The following SGK1 variants were observed in gnomAD, a reference collection of about 807,000 sequenced individuals.
SGK1 encodes serum/glucocorticoid regulated kinase 1.
Under a neutral mutation model 64.2 loss-of-function variants are expected in SGK1, and 26 were observed. The observed-to-expected ratio is 0.40, with a 90% CI of 0.30 to 0.56. The LOEUF is 0.56. Ranked by LOEUF, SGK1 falls within the 20% of genes least tolerant of loss-of-function variation. SGK1 has a pLI of 0.38. For synonymous variants in SGK1, 265 were observed against 239.7 expected (o/e 1.11, Z -0.98); for missense variants, 519 against 645.6 (o/e 0.80, Z 2.12).
At chr6:134,269,202 C>T (rs891758148) in intron 1 of SGK1, among the ~76,000 whole-genome samples, 1 of 147,514 alleles carries the variant, frequency 6.8e-6, no homozygotes, top group Non-Finnish European at 1.5e-5. Context: ...GGCCCCCGTC[C>T]TTTTAGGGGG....
At chr6:134,241,189 A>G (rs1184912449) in intron 2 of SGK1, among the ~76,000 whole-genome samples, 2 of 151,416 alleles carry the variant, frequency 1.3e-5, no homozygotes, top group African/African-American at 4.9e-5. Context: ...AGCTGGGACT[A>G]CAGGCATCCA....
At chr6:134,174,305 C>A in intron 4 of SGK1, 1 of 604,520 alleles carries the variant, frequency 1.7e-6, no homozygotes. Context: ...CCAACACGAA[C>A]CATTTATCTT....
At chr6:134,189,037 C>T (rs569314208) in intron 3 of SGK1, among the ~76,000 whole-genome samples, 7 of 151,476 alleles carry the variant, frequency 4.6e-5, no homozygotes, top group South Asian at 4.2e-4. Context: ...GAGCCACTCA[C>T]GCAACCCAGA....
At chr6:134,220,860 T>C (rs1016174511) in intron 2 of SGK1, among the ~76,000 whole-genome samples, 1 of 151,724 alleles carries the variant, frequency 6.6e-6, no homozygotes, top group Non-Finnish European at 1.5e-5. Context: ...CCCACGCCTG[T>C]AGTTTCGGCT....
intron 2 of SGK1, among the ~76,000 whole-genome samples, chr6:134,233,424 C>T (rs1351618364): frequency 6.6e-6 from 1 of 152,180 alleles, no homozygotes; most frequent in African/African-American, 2.4e-5. Flanking sequence ...CTTTAGGTCC[C>T]ATGAGCATCA....
At chr6:134,197,903 T>A (rs951819368) in intron 3 of SGK1, among the ~76,000 whole-genome samples, 2 of 29,250 alleles carry the variant, frequency 6.8e-5, no homozygotes, top group African/African-American at 2.5e-4. Flanking sequence ...AAATAAAATA[T>A]AAAATAAAAT....
At chr6:134,268,138 G>C (rs926655852) in intron 1 of SGK1, among the ~76,000 whole-genome samples, 4 of 152,148 alleles carry the variant, frequency 2.6e-5, no homozygotes, top group African/African-American at 9.7e-5. Context: ...ACGGCCCCTC[G>C]GGGAATTCAA....
intron 3 of SGK1, among the ~76,000 whole-genome samples, chr6:134,191,524 T>C (rs1582700213): frequency 6.6e-6 from 1 of 152,180 alleles, no homozygotes; most frequent in African/African-American, 2.4e-5. Flanking sequence ...ACTACAGTGG[T>C]GCTAAGGACA....
intron 1 of SGK1, among the ~76,000 whole-genome samples, chr6:134,268,399 CG>C (rs1420423541): frequency 6.6e-6 from 1 of 152,076 alleles, no homozygotes; most frequent in Non-Finnish European, 1.5e-5. Context: ...CAAACATAGA[CG>C]GGGTGAGACA....
intron 2 of SGK1, among the ~76,000 whole-genome samples, chr6:134,240,433 A>G (rs1220865927): frequency 6.6e-6 from 1 of 152,182 alleles, no homozygotes. Context: ...ATAGTGAAAG[A>G]GTCTAAAAAT....
chr6:134,242,235 C>T (rs1258914779), intron 2 of SGK1, among the ~76,000 whole-genome samples: 4 of 152,096 alleles, frequency 2.6e-5, no homozygotes, highest in Admixed American at 2.0e-4. Flanking sequence ...CCTGTAATCC[C>T]AGCACTTTGG....
chr6:134,209,392 C>A (rs918892142), intron 2 of SGK1, among the ~76,000 whole-genome samples: 1 of 152,142 alleles, frequency 6.6e-6, no homozygotes, highest in Admixed American at 6.6e-5. Context: ...TGAGATCGTG[C>A]CACTGCACTC....
intron 1 of SGK1, among the ~76,000 whole-genome samples, chr6:134,287,464 A>G (rs145643766): frequency 3.5e-4 from 52 of 148,718 alleles, no homozygotes; most frequent in East Asian, 7.8e-4. Flanking sequence ...TTTTTTAAGG[A>G]AGATTGGTAA....
intron 2 of SGK1, among the ~76,000 whole-genome samples, chr6:134,216,106 T>C (rs1431584385): frequency 1.3e-5 from 2 of 152,144 alleles, no homozygotes; most frequent in African/African-American, 4.8e-5. Flanking sequence ...TATAAAAAAA[T>C]CAGTTTTCTC....
chr6:134,237,356 C>A (rs1476466003), intron 2 of SGK1, among the ~76,000 whole-genome samples: 1 of 151,886 alleles, frequency 6.6e-6, no homozygotes. Context: ...TGTGCCTGGC[C>A]TGAAATTAAT....
chr6:134,264,738 G>A (rs1776825030), intron 1 of SGK1, among the ~76,000 whole-genome samples: 2 of 151,978 alleles, frequency 1.3e-5, no homozygotes, highest in African/African-American at 4.8e-5. Flanking sequence ...AACCTCCTAG[G>A]CTCAAGCGAT....
chr6:134,276,156 A>G (rs763886897), intron 1 of SGK1, among the ~76,000 whole-genome samples: 19 of 152,198 alleles, frequency 1.2e-4, no homozygotes, highest in Non-Finnish European at 1.8e-4. Context: ...AGAGCTTAGC[A>G]CAACTCCCAA....
At chr6:134,179,999 G>A (rs1260158328) in intron 3 of SGK1, among the ~76,000 whole-genome samples, 7 of 152,122 alleles carry the variant, frequency 4.6e-5, no homozygotes, top group Non-Finnish European at 1.0e-4. Context: ...TGTTGTCCAG[G>A]CTAGAGTACA....
At chr6:134,232,433 AAG>A (rs1248963303) in intron 2 of SGK1, among the ~76,000 whole-genome samples, 1 of 39,320 alleles carries the variant, frequency 2.5e-5, no homozygotes, top group Non-Finnish European at 5.7e-5. Flanking sequence ...GAAAGAAAGA[AAG>A]AAAGAAAGAA....
Sources: gnomAD v4.1 joint callset for allele counts (sites outside exome capture counted in the v4.1 genomes callset) on GRCh38, gnomAD v4.1.1 for gene constraint, MANE v1.5 for transcripts, NCBI Gene and HGNC (gene_info 2026-07-23, HGNC 2026-07-21) for gene names.